METTL15: variants seen among roughly 807,000 people sequenced by gnomAD.
METTL15 encodes the protein methyltransferase 15, mitochondrial 12S rRNA N4-cytidine.
A neutral mutation model predicts 38.3 loss-of-function variants in METTL15; 34 were observed. That is an observed-to-expected ratio of 0.89 (90% CI 0.68 to 1.18). The LOEUF is 1.18. METTL15 is among the 50% of genes most tolerant of loss of function. METTL15 has a pLI of 0.00. For missense variants in METTL15, 438 were observed against 498.4 expected (o/e 0.88, Z 1.15); for synonymous variants, 162 against 170.9 (o/e 0.95, Z 0.41).
At chr11:28,306,069 A>G (rs567686245) in intron 6 of METTL15, among the ~76,000 whole-genome samples, 2 of 152,186 alleles carry the variant, frequency 1.3e-5, no homozygotes, top group African/African-American at 4.8e-5. Context: ...CCTTTCCTAA[A>G]TGTGACCTTG....
intron 3 of METTL15, among the ~76,000 whole-genome samples, chr11:28,116,745 TC>T (rs1377125512): frequency 2.0e-5 from 3 of 152,206 alleles, no homozygotes; most frequent in African/African-American, 7.2e-5. Context: ...ACAAAATAAA[TC>T]CAGCATTCTT....
chr11:28,237,244 A>C lies in METTL15; in HGVS notation c.407+26046A>C, dbSNP rs543408407. On this transcript the variant is annotated intron_variant, in intron 4 of 6. Transcript: ENST00000407364. ...CCCATCACTTTCAGGTACACCAATCAGATGCAGATTTGGTCTTTTCACATA... is the reference window on the plus strand; with the variant it reads ...CCCATCACTTTCAGGTACACCAATCCGATGCAGATTTGGTCTTTTCACATA... Among the ~76,000 whole-genome samples the C allele has an allele frequency of 3.3e-5, 5 of 152,276 alleles. No individual in the cohort carries two copies. In the East Asian group the frequency reaches 9.7e-4, roughly 29 times the overall value.
At chr11:28,433,768 C>A (rs1030271013) in intron 6 of METTL15, among the ~76,000 whole-genome samples, 11 of 152,000 alleles carry the variant, frequency 7.2e-5, no homozygotes, top group Admixed American at 2.6e-4. Flanking sequence ...ACCTTTGATG[C>A]CTCCTTTTTC....
intron 3 of METTL15, among the ~76,000 whole-genome samples, chr11:28,194,755 G>A (rs1851847314): frequency 6.6e-6 from 1 of 151,852 alleles, no homozygotes; most frequent in Non-Finnish European, 1.5e-5. Flanking sequence ...TGGATGAATT[G>A]TATAGTGGTG....
At chr11:28,149,335 G>A (rs1849997829) in intron 3 of METTL15, among the ~76,000 whole-genome samples, 1 of 151,794 alleles carries the variant, frequency 6.6e-6, no homozygotes, top group Non-Finnish European at 1.5e-5. Context: ...ACTGGATTAT[G>A]GATGTAGCTG....
intron 4 of METTL15, among the ~76,000 whole-genome samples, chr11:28,233,080 C>T (rs367605229): frequency 1.1e-3 from 165 of 152,100 alleles, no homozygotes; most frequent in African/African-American, 2.1e-3. Context: ...AATCTTATCA[C>T]ATTAAGGAAT....
rs182675231 is a variant in METTL15, at chr11:28,248,393, C to T, written c.407+37195C>T. On this transcript the variant is annotated intron_variant, in intron 4 of 6. Transcript: ENST00000407364. Reference sequence around the variant, plus strand: ...TTGGTTTCCCATCTGTCTACGATCACCATTCTGCCTTGCTTGTCATCCAGT... The same window carrying T: ...TTGGTTTCCCATCTGTCTACGATCATCATTCTGCCTTGCTTGTCATCCAGT... Among the ~76,000 whole-genome samples the T allele has an allele frequency of 7.9e-5, 12 of 152,198 alleles. No individual in the cohort carries two copies. The East Asian group carries it at 2.3e-3, about 29-fold the overall frequency.
At chr11:28,367,825 GAC>G (rs1017772911) in intron 5 of METTL15, among the ~76,000 whole-genome samples, 4 of 152,094 alleles carry the variant, frequency 2.6e-5, no homozygotes, top group Non-Finnish European at 2.9e-5. Context: ...TGAAAAACCT[GAC>G]ACAAACAAGC....
intron 5 of METTL15, among the ~76,000 whole-genome samples, chr11:28,416,693 C>T (rs1203392483): frequency 6.6e-6 from 1 of 152,138 alleles, no homozygotes; most frequent in African/African-American, 2.4e-5. Context: ...TCTTTTGTAG[C>T]TCTGATACCA....
intron 3 of METTL15, among the ~76,000 whole-genome samples, chr11:28,136,957 T>G (rs1174411575): frequency 6.6e-6 from 1 of 152,180 alleles, no homozygotes; most frequent in African/African-American, 2.4e-5. Context: ...ATGAAAATCC[T>G]GTTTAAGAGA....
chr11:28,365,641 T>C (rs1458645520), intron 5 of METTL15, among the ~76,000 whole-genome samples: 1 of 152,170 alleles, frequency 6.6e-6, no homozygotes, highest in Non-Finnish European at 1.5e-5. Context: ...ATTGTGGGAA[T>C]CCATTCATAA....
intron 6 of METTL15, among the ~76,000 whole-genome samples, chr11:28,441,832 C>T (rs1851037263): frequency 6.6e-6 from 1 of 152,168 alleles, no homozygotes; most frequent in African/African-American, 2.4e-5. Flanking sequence ...TTCCAATCAA[C>T]CCAGATTATC....
At chr11:28,296,222 GT>G (rs1338312503) in intron 5 of METTL15, among the ~76,000 whole-genome samples, 3 of 152,086 alleles carry the variant, frequency 2.0e-5, no homozygotes, top group Admixed American at 1.3e-4. Context: ...AGTTGTATGA[GT>G]TTTTGTGAGG....
intron 3 of METTL15, chr11:28,125,779 A>T (rs1313672114): frequency 6.6e-6 from 1 of 152,096 alleles, no homozygotes; most frequent in African/African-American, 2.4e-5. Flanking sequence ...TTTTTTGGAT[A>T]AAAAATCTTC....
intron 3 of METTL15, among the ~76,000 whole-genome samples, chr11:28,204,061 T>C (rs1180309842): frequency 1.3e-5 from 2 of 152,066 alleles, no homozygotes; most frequent in African/African-American, 4.8e-5. Context: ...TGAAAATTGC[T>C]ACCTTTAACA....
At chr11:28,165,172 A>G (rs1381761556) in intron 3 of METTL15, among the ~76,000 whole-genome samples, 1 of 152,082 alleles carries the variant, frequency 6.6e-6, no homozygotes, top group Non-Finnish European at 1.5e-5. Context: ...TATCTCTTTG[A>G]TATATTGATT....
chr11:28,425,202 T>A (rs1850853537), intron 6 of METTL15, among the ~76,000 whole-genome samples: 1 of 152,200 alleles, frequency 6.6e-6, no homozygotes, highest in African/African-American at 2.4e-5. Flanking sequence ...TTTCTGTCCA[T>A]CAATCCATCC....
At chr11:28,328,057 T>A (rs755220731) in intron 6 of METTL15, 1 of 1,588,524 alleles carries the variant, frequency 6.3e-7, no homozygotes, top group Admixed American at 1.7e-5. Flanking sequence ...GTTTACTTCC[T>A]ATTTTACATG....
intron 6 of METTL15, among the ~76,000 whole-genome samples, chr11:28,512,268 C>T (rs1851680930): frequency 2.0e-5 from 3 of 152,248 alleles, no homozygotes; most frequent in Non-Finnish European, 2.9e-5. Context: ...CATCTGGCTT[C>T]ACCCAAGTGG....
Sources: gnomAD v4.1 joint callset for allele counts (sites outside exome capture counted in the v4.1 genomes callset) on GRCh38, gnomAD v4.1.1 for gene constraint, MANE v1.5 for transcripts, NCBI Gene and HGNC (gene_info 2026-07-23, HGNC 2026-07-21) for gene names.